Variants in PAK5 observed in about 807,000 individuals in gnomAD.
PAK5 encodes p21 (RAC1) activated kinase 5.
Under a neutral mutation model 65.9 loss-of-function variants are expected in PAK5, and 16 were observed. The ratio of observed to expected loss-of-function variants is 0.24; its 90% CI spans 0.16 to 0.37. PAK5 has a LOEUF of 0.37. Ranked by LOEUF, PAK5 falls within the 10% of genes least tolerant of loss-of-function variation. The probability of loss-of-function intolerance (pLI) is 1.00; values close to 1 mark genes in which losing one functional copy is unlikely to be tolerated. For synonymous variants in PAK5, 371 were observed against 354.9 expected (o/e 1.05, Z -0.51); for missense variants, 785 against 903.9 (o/e 0.87, Z 1.69).
chr20:9,735,384 A>G (rs975716307), intron 1 of PAK5, among the ~76,000 whole-genome samples: 3 of 152,192 alleles, frequency 2.0e-5, no homozygotes, highest in African/African-American at 7.2e-5. Context: ...GTAGTGATCA[A>G]TTCAAGCATG....
chr20:9,794,190 AG>A (rs1231927934), intron 1 of PAK5, among the ~76,000 whole-genome samples: 1 of 142,652 alleles, frequency 7.0e-6, no homozygotes. Flanking sequence ...GGTGGGGGCA[AG>A]GGGAGGGAGA....
rs1169542120 is a variant in PAK5, at chr20:9,550,160, G to T, written c.1744-5666C>A. ...CCATGGCCTGTGTGGGATGTGCAGGGGTTCGGAAGTTCCTCCAAATCTCAG... is the reference window on the plus strand; with the variant it reads ...CCATGGCCTGTGTGGGATGTGCAGGTGTTCGGAAGTTCCTCCAAATCTCAG... On this transcript the variant is annotated intron_variant, in intron 7 of 9. Transcript: ENST00000353224. 3.3e-5 allele frequency among the ~76,000 whole-genome samples: 5 copies of T among 152,266 alleles called. No individual in the cohort carries two copies. The East Asian group carries it at 5.8e-4, about 18-fold the overall frequency.
intron 2 of PAK5, among the ~76,000 whole-genome samples, chr20:9,659,144 C>T (rs1284259551): frequency 6.6e-6 from 1 of 152,114 alleles, no homozygotes; most frequent in African/African-American, 2.4e-5. Flanking sequence ...GGTGTGTGTG[C>T]ATGTGTACAC....
rs116201309 is a variant in PAK5, at chr20:9,602,738, G to A, written c.205-21808C>T. 3.0e-3 allele frequency among the ~76,000 whole-genome samples: 454 copies of A among 152,282 alleles called. 2 individuals are homozygous for A. The highest frequency in any genetic ancestry group is 0.01 in the African/African-American group (431 of 41,548). ...CAGCATCTGAGCTGAACACAGAAAG[G>A]ATCCTCTTCATCAATCAAAGTTCGG... On this transcript the variant is annotated intron_variant, in intron 3 of 9. Coordinates refer to ENST00000353224, the MANE Select transcript of PAK5 (RefSeq NM_177990.4).
At chr20:9,558,142 G>C (rs561707027) in intron 6 of PAK5, among the ~76,000 whole-genome samples, 7 of 150,904 alleles carry the variant, frequency 4.6e-5, no homozygotes, top group Non-Finnish European at 7.4e-5. Context: ...ATGGTGTCTT[G>C]CTCTGTCACT....
intron 3 of PAK5, among the ~76,000 whole-genome samples, chr20:9,596,198 C>T (rs903750893): frequency 9.9e-5 from 15 of 152,112 alleles, no homozygotes; most frequent in African/African-American, 3.6e-4. Context: ...TTTAAAATCC[C>T]TTGATCTTAC....
At chr20:9,712,682 T>C (rs1210213807) in intron 1 of PAK5, among the ~76,000 whole-genome samples, 1 of 152,050 alleles carries the variant, frequency 6.6e-6, no homozygotes, top group East Asian at 1.9e-4. Flanking sequence ...TGCCGATGAA[T>C]AGAACAGAAT....
intron 1 of PAK5, among the ~76,000 whole-genome samples, chr20:9,752,890 G>A (rs187949502): frequency 7.2e-5 from 11 of 152,196 alleles, no homozygotes; most frequent in Non-Finnish European, 2.9e-5. Context: ...GCAGAAGCAC[G>A]CCAAAAGTTC....
intron 1 of PAK5, among the ~76,000 whole-genome samples, chr20:9,780,299 G>A (rs2048928520): frequency 6.6e-6 from 1 of 150,628 alleles, no homozygotes; most frequent in Non-Finnish European, 1.5e-5. Context: ...ATAATAGGGT[G>A]CAATTTGGAA....
intron 1 of PAK5, among the ~76,000 whole-genome samples, chr20:9,741,865 G>T (rs867612905): frequency 1.3e-5 from 2 of 151,006 alleles, no homozygotes; most frequent in South Asian, 4.2e-4. Flanking sequence ...CAATGATCTA[G>T]CAGAGAAAAA....
intron 3 of PAK5, among the ~76,000 whole-genome samples, chr20:9,631,905 T>C (rs1191433268): frequency 6.6e-6 from 1 of 152,212 alleles, no homozygotes; most frequent in Non-Finnish European, 1.5e-5. Flanking sequence ...GACAGCATAA[T>C]GCTTCCACTT....
chr20:9,549,514 C>A (rs932235801), intron 7 of PAK5, among the ~76,000 whole-genome samples: 2 of 152,206 alleles, frequency 1.3e-5, no homozygotes, highest in Middle Eastern at 3.4e-3. Flanking sequence ...TGGCTCTCAA[C>A]CAACTAGCAT....
chr20:9,763,961 A>T (rs2048728542), intron 1 of PAK5, among the ~76,000 whole-genome samples: 1 of 152,160 alleles, frequency 6.6e-6, no homozygotes, highest in African/African-American at 2.4e-5. Context: ...CCACTAATCA[A>T]CACATTTCTC....
At position 9,656,055 on chromosome 20, in the gene PAK5, A is replaced by G. The variant is rs577846273; in HGVS notation, c.-11-11716T>C. Among the ~76,000 whole-genome samples the G allele has an allele frequency of 2.0e-5, 3 of 152,246 alleles. No homozygotes were observed. In the South Asian group the frequency reaches 6.2e-4, roughly 32 times the overall value. ...TAGGATTTCAATATATGAACTTGGGAGGTGGACAGAATTCATCCCATAAGA... is the reference window on the plus strand; with the variant it reads ...TAGGATTTCAATATATGAACTTGGGGGGTGGACAGAATTCATCCCATAAGA... On this transcript the variant is annotated intron_variant, in intron 2 of 9. Transcript: ENST00000353224.
chr20:9,829,180 A>G (rs1160060093), intron 1 of PAK5, among the ~76,000 whole-genome samples: 3 of 152,246 alleles, frequency 2.0e-5, no homozygotes, highest in Non-Finnish European at 4.4e-5. Context: ...TCAGTTAATC[A>G]TAATACCAAA....
At chr20:9,730,642 A>G (rs1456893704) in intron 1 of PAK5, among the ~76,000 whole-genome samples, 1 of 152,220 alleles carries the variant, frequency 6.6e-6, no homozygotes, top group Non-Finnish European at 1.5e-5. Flanking sequence ...AGAAGCTATG[A>G]TGATATCGGT....
intron 2 of PAK5, among the ~76,000 whole-genome samples, chr20:9,659,479 C>T (rs1462132167): frequency 6.6e-6 from 1 of 152,154 alleles, no homozygotes; most frequent in African/African-American, 2.4e-5. Context: ...GTTACTGCTA[C>T]CACTTGTCTG....
intron 1 of PAK5, among the ~76,000 whole-genome samples, chr20:9,750,573 T>C (rs2048564323): frequency 6.6e-6 from 1 of 152,162 alleles, no homozygotes; most frequent in Non-Finnish European, 1.5e-5. Flanking sequence ...ATGGTTTTTA[T>C]GTATAAGCAA....
chr20:9,589,215 C>T (rs1272639607), intron 3 of PAK5, among the ~76,000 whole-genome samples: 1 of 152,174 alleles, frequency 6.6e-6, no homozygotes, highest in Admixed American at 6.5e-5. Flanking sequence ...TCTCTCAGAA[C>T]TTATGTACTT....
Sources: allele counts gnomAD v4.1 joint callset (sites outside exome capture counted in the v4.1 genomes callset), GRCh38; gene constraint gnomAD v4.1.1; transcripts MANE v1.5; gene names NCBI Gene and HGNC (gene_info 2026-07-23, HGNC 2026-07-21).